Variants in ATG2B observed in about 807,000 individuals in gnomAD.
ATG2B encodes autophagy-related protein 2 homolog B.
In ATG2B, 121 loss-of-function variants were observed where a neutral mutation model predicts 241.3. The observed-to-expected ratio is 0.50, with a 90% confidence interval of 0.43 to 0.58. The LOEUF (loss-of-function observed/expected upper bound fraction) is 0.58, where lower values mean the gene tolerates loss of function less well. ATG2B is among the 20% of genes least tolerant of loss of function. The probability of loss-of-function intolerance (pLI) is 0.00; values close to 1 mark genes in which losing one functional copy is unlikely to be tolerated. For synonymous variants in ATG2B, 858 were observed against 876.6 expected, an observed-to-expected ratio of 0.98 and a Z score of 0.37; for missense variants, 2,306 against 2,491.6, an observed-to-expected ratio of 0.93 and a Z score of 1.59.
intron 1 of ATG2B, among the ~76,000 whole-genome samples, chr14:96,352,792 G>GA (rs149330839): frequency 0.05 from 7,370 of 147,306 alleles, 250 homozygotes; most frequent in African/African-American, 0.09. Flanking sequence ...ACTTATTATT[G>GA]AAAAAAAAAA....
rs1168926540 is a variant in ATG2B, at chr14:96,305,574, T to C, written c.4733+15A>G. Reference sequence around the variant, plus strand: ...TATTGGCCTCCCAAATAAACTTATATAGAAATTAACTTACATATAACTTTT... The same window carrying C: ...TATTGGCCTCCCAAATAAACTTATACAGAAATTAACTTACATATAACTTTT... On this transcript the variant is annotated intron_variant, in intron 31 of 41. Coordinates refer to ENST00000359933, the MANE Select transcript of ATG2B (RefSeq NM_018036.7). The C allele has an allele frequency of 6.4e-7, 1 of 1,553,396 alleles. No homozygotes were observed. Among genetic ancestry groups the C allele is most frequent in the Non-Finnish European group, 8.8e-7 (1 of 1,131,696 alleles).
Position 96,282,040 on chromosome 14 carries a change from G to A in ATG2B, c.*3715C>T, listed in dbSNP as rs183445931. 7.9e-5 allele frequency: 12 copies of A among 152,304 alleles called. No homozygotes were observed. Among genetic ancestry groups the A allele is most frequent in the African/African-American group, 2.6e-4 (11 of 41,552 alleles). The allele number at this position is 152,304 out of a possible 1,614,324, so 9.4% of individuals were successfully genotyped here. The stretch of plus-strand genomic sequence containing the variant: ...TATAATGTCTATTCAAGGGGGCAGT[G>A]TGCCTAGCATGATCCTGAAATGTTG... On this transcript the variant is annotated 3_prime_UTR_variant, in exon 42 of 42. Coordinates refer to ENST00000359933, the MANE Select transcript of ATG2B (RefSeq NM_018036.7).
chr14:96,340,510 T>C (rs1469826115), intron 6 of ATG2B, among the ~76,000 whole-genome samples: 8 of 151,948 alleles, frequency 5.3e-5, no homozygotes, highest in Admixed American at 5.2e-4. Context: ...CTCATGAAGA[T>C]TCCCCTACTC....
intron 18 of ATG2B, among the ~76,000 whole-genome samples, chr14:96,318,833 A>G (rs889167868): frequency 6.6e-6 from 1 of 152,176 alleles, no homozygotes; most frequent in African/African-American, 2.4e-5. Flanking sequence ...CTGGACCCAC[A>G]GCATATGCTT....
At chr14:96,359,089 T>C (rs1888556222) in intron 1 of ATG2B, among the ~76,000 whole-genome samples, 1 of 152,140 alleles carries the variant, frequency 6.6e-6, no homozygotes, top group Non-Finnish European at 1.5e-5. Context: ...AAGGCCTCAG[T>C]GGCCAGGCGT....
At chr14:96,317,645 T>C in intron 19 of ATG2B, 53 bp downstream of exon 19, 1 of 1,417,634 alleles carries the variant, frequency 7.1e-7, no homozygotes, top group Non-Finnish European at 9.7e-7. Context: ...GTTAGTACTT[T>C]GTTAATTGAT....
chr14:96,352,919 C>T (rs1888369245), intron 1 of ATG2B, among the ~76,000 whole-genome samples: 3 of 152,196 alleles, frequency 2.0e-5, no homozygotes, highest in African/African-American at 7.2e-5. Context: ...CACATTCACT[C>T]ACTGACTCAC....
intron 34 of ATG2B, among the ~76,000 whole-genome samples, chr14:96,300,033 G>A (rs1384620325): frequency 6.6e-6 from 1 of 152,060 alleles, no homozygotes; most frequent in Non-Finnish European, 1.5e-5. Flanking sequence ...CCTCATTAAC[G>A]CTTACATATT....
At chr14:96,311,434 C>T (rs1221308670) in intron 27 of ATG2B, 108 bp downstream of exon 27, 1 of 1,176,914 alleles carries the variant, frequency 8.5e-7, no homozygotes, top group Non-Finnish European at 1.2e-6. Context: ...TTTTAATATA[C>T]TTACTCTATT....
chr14:96,328,033 G>C (rs995919833), intron 14 of ATG2B, among the ~76,000 whole-genome samples: 1 of 152,124 alleles, frequency 6.6e-6, no homozygotes, highest in African/African-American at 2.4e-5. Context: ...GGCCAGGCTT[G>C]TCTCGAACTG....
intron 33 of ATG2B, 68 bp downstream of exon 33, chr14:96,302,993 C>A: frequency 8.1e-7 from 1 of 1,231,928 alleles, no homozygotes; most frequent in Non-Finnish European, 1.1e-6. Flanking sequence ...TTTAACTCTC[C>A]TGAAGTTAGA....
At chr14:96,308,253 C>CATATATATATATATAT (rs1309788039) in intron 29 of ATG2B, among the ~76,000 whole-genome samples, 54 of 36,394 alleles carry the variant, frequency 1.5e-3, no homozygotes, top group Non-Finnish European at 1.9e-3. Context: ...TATATATATA[C>CATATATATATATATAT]ACACATATAT....
intron 1 of ATG2B, among the ~76,000 whole-genome samples, chr14:96,348,626 T>C (rs1400520925): frequency 2.7e-5 from 4 of 149,588 alleles, no homozygotes; most frequent in Non-Finnish European, 4.4e-5. Context: ...GAGGCTGCAG[T>C]GAGCCACTGC....
intron 29 of ATG2B, 67 bp downstream of exon 29, chr14:96,309,386 C>T (rs532357923): frequency 3.1e-5 from 47 of 1,514,736 alleles, no homozygotes; most frequent in Middle Eastern, 1.8e-4. Flanking sequence ...ATTAAATTTA[C>T]GAGAACACAA....
At chr14:96,344,781 CG>C (rs760865722) in intron 3 of ATG2B, 25 bp from the exon 4 acceptor site, 1 of 1,104,208 alleles carries the variant, frequency 9.1e-7, no homozygotes, top group Non-Finnish European at 1.3e-6. Flanking sequence ...TAATTGTCAA[CG>C]TAAGAGACCA....
At chr14:96,359,045 A>AG (rs1888554163) in intron 1 of ATG2B, among the ~76,000 whole-genome samples, 1 of 152,194 alleles carries the variant, frequency 6.6e-6, no homozygotes, top group Admixed American at 6.5e-5. Flanking sequence ...AGAGAATATA[A>AG]GCAGCAATCG....
At chr14:96,358,393 C>T (rs1302791637) in intron 1 of ATG2B, among the ~76,000 whole-genome samples, 2 of 152,078 alleles carry the variant, frequency 1.3e-5, no homozygotes, top group African/African-American at 4.8e-5. Flanking sequence ...GCTGATCACA[C>T]CACTGTACTC....
At chr14:96,341,888 A>G (rs957343360) in intron 5 of ATG2B, among the ~76,000 whole-genome samples, 187 bp from the exon 6 acceptor site, 57 of 152,228 alleles carry the variant, frequency 3.7e-4, no homozygotes, top group African/African-American at 1.4e-3. Flanking sequence ...AGCACAGTCC[A>G]CTGGTAATAA....
intron 28 of ATG2B, among the ~76,000 whole-genome samples, chr14:96,309,837 G>A (rs1445589037): frequency 6.6e-6 from 1 of 152,188 alleles, no homozygotes; most frequent in African/African-American, 2.4e-5. Context: ...CTGGGATCTT[G>A]AAGAGGCAAT....
Sources: allele counts gnomAD v4.1 joint callset (sites outside exome capture counted in the v4.1 genomes callset), GRCh38; gene constraint gnomAD v4.1.1; transcripts MANE v1.5; gene names NCBI Gene and HGNC (gene_info 2026-07-23, HGNC 2026-07-21).